The following NLK variants were observed in gnomAD, a reference collection of about 807,000 sequenced individuals.
The protein encoded by NLK is nemo like kinase, also known as serine/threonine-protein kinase NLK.
In NLK, 11 loss-of-function variants were observed where a neutral mutation model predicts 59.0. The observed-to-expected ratio is 0.19, with a 90% CI of 0.12 to 0.31. The LOEUF (loss-of-function observed/expected upper bound fraction) is 0.31, where lower values mean the gene tolerates loss of function less well. NLK is among the 10% of genes least tolerant of loss of function. NLK has a pLI of 1.00. For synonymous variants in NLK, 235 were observed against 235.9 expected, an observed-to-expected ratio of 1.00 and a Z score of 0.03; for missense variants, 410 against 661.1, an observed-to-expected ratio of 0.62 and a Z score of 4.16.
intron 3 of NLK, among the ~76,000 whole-genome samples, chr17:28,159,599 C>T (rs1174292520): frequency 6.6e-6 from 1 of 152,164 alleles, no homozygotes. Flanking sequence ...GTGAATCCCA[C>T]ATGCCAAATA....
At chr17:28,199,723 G>A (rs1909581966), downstream of NLK, among the ~76,000 whole-genome samples, 1 of 136,232 alleles carries the variant, frequency 7.3e-6, no homozygotes. Flanking sequence ...AGATAACCAG[G>A]AAATATAACA....
intron 2 of NLK, among the ~76,000 whole-genome samples, chr17:28,125,377 A>G (rs758332265): frequency 1.3e-5 from 2 of 152,220 alleles, no homozygotes; most frequent in East Asian, 1.9e-4. Flanking sequence ...TGTGTCTTGG[A>G]CCTTAACTTC....
chr17:28,142,446 A>G (rs1029156260), intron 3 of NLK, among the ~76,000 whole-genome samples: 1 of 152,256 alleles, frequency 6.6e-6, no homozygotes, highest in African/African-American at 2.4e-5. Context: ...ATTGAAGCAC[A>G]CCGATTTTTT....
At chr17:28,067,187 G>A (rs1418858278) in intron 1 of NLK, among the ~76,000 whole-genome samples, 2 of 152,148 alleles carry the variant, frequency 1.3e-5, no homozygotes, top group Non-Finnish European at 2.9e-5. Flanking sequence ...AGGTCATGAA[G>A]AATTCTGCGT....
At chr17:28,182,287 G>T (rs866530047) in intron 7 of NLK, among the ~76,000 whole-genome samples, 4 of 151,936 alleles carry the variant, frequency 2.6e-5, no homozygotes, top group South Asian at 4.2e-4. Flanking sequence ...TGTTTGTTTG[G>T]TTTTTTTGGA....
intron 1 of NLK, among the ~76,000 whole-genome samples, chr17:28,073,510 A>G (rs143110419): frequency 7.8e-4 from 118 of 152,236 alleles, no homozygotes; most frequent in African/African-American, 2.8e-3. Flanking sequence ...TTCCCTCTCA[A>G]GGTTAACCAT....
intron 1 of NLK, among the ~76,000 whole-genome samples, chr17:28,121,504 T>TC (rs1158937236): frequency 2.8e-4 from 35 of 125,238 alleles, no homozygotes; most frequent in African/African-American, 9.1e-4. Flanking sequence ...TCTTTTTTTT[T>TC]TTTTTTTTTT....
At chr17:28,164,458 A>AT (rs1410667758) in intron 5 of NLK, among the ~76,000 whole-genome samples, 2 of 152,206 alleles carry the variant, frequency 1.3e-5, no homozygotes, top group Admixed American at 1.3e-4. Context: ...ATAGTAGCCA[A>AT]TTCTTAATTA....
At position 28,160,858 on chromosome 17, in the gene NLK, C is replaced by T. The variant is rs1054247246; in HGVS notation, c.645-302C>T. On this transcript the variant is annotated intron_variant, in intron 3 of 10. Coordinates refer to ENST00000407008, the MANE Select transcript of NLK (RefSeq NM_016231.5). ...TAAGTAGAGCTTAAGACTGTTTGGT[C>T]GTCATACTTTTCCTGGCCTGGCTGT... Among the ~76,000 whole-genome samples the T allele has an allele frequency of 3.9e-5, 6 of 152,084 alleles. 1 individual carries two copies. The highest frequency in any genetic ancestry group is 4.1e-4 in the South Asian group (2 of 4,820).
At chr17:28,078,244 A>G (rs1240262869) in intron 1 of NLK, among the ~76,000 whole-genome samples, 1 of 152,228 alleles carries the variant, frequency 6.6e-6, no homozygotes, top group East Asian at 1.9e-4. Context: ...AAATTTAATT[A>G]TCAGAAGGTT....
At chr17:28,082,723 T>A (rs562638324) in intron 1 of NLK, among the ~76,000 whole-genome samples, 1 of 152,244 alleles carries the variant, frequency 6.6e-6, no homozygotes, top group South Asian at 2.1e-4. Context: ...AAAGCCTGTC[T>A]TTTTGAATTG....
chr17:28,110,905 C>T (rs1389484581), intron 1 of NLK, among the ~76,000 whole-genome samples: 1 of 151,100 alleles, frequency 6.6e-6, no homozygotes. Flanking sequence ...AGTGCAGTGG[C>T]GGGATCTCGG....
chr17:28,132,333 G>GT (rs1397553184), intron 2 of NLK, among the ~76,000 whole-genome samples: 1 of 152,172 alleles, frequency 6.6e-6, no homozygotes, highest in African/African-American at 2.4e-5. Context: ...AACATTGATT[G>GT]TTTAAAATAG....
intron 1 of NLK, among the ~76,000 whole-genome samples, chr17:28,111,294 C>G: frequency 6.6e-6 from 1 of 152,056 alleles, no homozygotes. Flanking sequence ...TCAAGTGATT[C>G]TCCTGCCTCA....
At chr17:28,180,927 T>C (rs1374317969) in intron 7 of NLK, among the ~76,000 whole-genome samples, 1 of 152,192 alleles carries the variant, frequency 6.6e-6, no homozygotes, top group Non-Finnish European at 1.5e-5. Flanking sequence ...TACAGATAAT[T>C]TCAGAGCTTT....
intron 1 of NLK, among the ~76,000 whole-genome samples, chr17:28,057,098 G>A (rs1196139448): frequency 6.6e-6 from 1 of 151,970 alleles, no homozygotes; most frequent in Non-Finnish European, 1.5e-5. Context: ...GGGATTACAG[G>A]CATGCACCAC....
chr17:28,068,011 C>T (rs1331757910), intron 1 of NLK, among the ~76,000 whole-genome samples: 1 of 151,760 alleles, frequency 6.6e-6, no homozygotes, highest in African/African-American at 2.4e-5. Flanking sequence ...CATGGTGGTG[C>T]ACGCCTGTAA....
chr17:28,170,663 C>G (rs1242017667), intron 6 of NLK, among the ~76,000 whole-genome samples: 1 of 152,100 alleles, frequency 6.6e-6, no homozygotes, highest in Non-Finnish European at 1.5e-5. Context: ...CATAAGCTGT[C>G]ATAAAATGGA....
intron 7 of NLK, among the ~76,000 whole-genome samples, chr17:28,176,777 C>T (rs1055068316): frequency 6.6e-6 from 1 of 152,144 alleles, no homozygotes; most frequent in African/African-American, 2.4e-5. Context: ...TCTGGATTAA[C>T]TTGAGAATAT....
Sources: allele counts gnomAD v4.1 joint callset (sites outside exome capture counted in the v4.1 genomes callset), GRCh38; gene constraint gnomAD v4.1.1; transcripts MANE v1.5; gene names NCBI Gene and HGNC (gene_info 2026-07-23, HGNC 2026-07-21).